The following SIRPG variants were observed in gnomAD, a reference collection of about 807,000 sequenced individuals.
The protein encoded by SIRPG is signal-regulatory protein gamma.
Under a neutral mutation model 35.7 loss-of-function variants are expected in SIRPG, and 38 were observed. That is an observed-to-expected ratio of 1.06 (90% CI 0.82 to 1.40). The LOEUF (loss-of-function observed/expected upper bound fraction) is 1.40. Among genes scored for constraint, SIRPG ranks in the 40% most tolerant of loss-of-function variants. The probability of loss-of-function intolerance (pLI) is 0.00; values close to 1 mark genes in which losing one functional copy is unlikely to be tolerated. For missense variants in SIRPG, 519 were observed against 483.0 expected (o/e 1.07, Z -0.70); for synonymous variants, 215 against 190.4 (o/e 1.13, Z -1.06).
chr20:1,639,254 C>T (rs1313872468), intron 2 of SIRPG, among the ~76,000 whole-genome samples: 1 of 152,114 alleles, frequency 6.6e-6, no homozygotes, highest in Admixed American at 6.5e-5. Flanking sequence ...AAAAACGCTC[C>T]TATTTTTCCA....
chr20:1,657,622 T>C lies in SIRPG; in HGVS notation c.73+20A>G, dbSNP rs549399481. 2 of 1,613,436 alleles carry C rather than the reference T, an allele frequency of 1.2e-6. No homozygotes were observed. The highest frequency in any genetic ancestry group is 2.2e-5 in the South Asian group (2 of 91,070). Reference sequence around the variant, plus strand: ...TCCAGGAAGCAGGGAGAAAGGGTTCTAGCCCAATGCAATGCTCACCTGTAA... The same window carrying C: ...TCCAGGAAGCAGGGAGAAAGGGTTCCAGCCCAATGCAATGCTCACCTGTAA... On this transcript the variant is annotated intron_variant, in intron 1 of 5. Coordinates refer to ENST00000303415, the MANE Select transcript of SIRPG (RefSeq NM_018556.4).
intron 2 of SIRPG, among the ~76,000 whole-genome samples, chr20:1,637,013 C>T (rs1356946381): frequency 6.6e-6 from 1 of 152,134 alleles, no homozygotes; most frequent in African/African-American, 2.4e-5. Context: ...CAGCATTTTC[C>T]CTTCCCAGGG....
chr20:1,654,105 G>A (rs574639019), intron 1 of SIRPG, among the ~76,000 whole-genome samples: 1 of 152,156 alleles, frequency 6.6e-6, no homozygotes, highest in East Asian at 1.9e-4. Context: ...CAGGCATGGT[G>A]GTGCACACCT....
chr20:1,644,527 C>T (rs546014129), intron 2 of SIRPG, among the ~76,000 whole-genome samples: 1 of 152,184 alleles, frequency 6.6e-6, no homozygotes, highest in African/African-American at 2.4e-5. Flanking sequence ...TGCCGCCTAT[C>T]TCCCAAGGAG....
At chr20:1,667,648 T>C in the SIRPG span, among the ~76,000 whole-genome samples, 1 of 152,112 alleles carries the variant, frequency 6.6e-6, no homozygotes, top group Non-Finnish European at 1.5e-5. Flanking sequence ...TGATTATTCA[T>C]AAGGAGGTGG....
At chr20:1,633,461 T>C (rs569144536) in intron 4 of SIRPG, 1 of 152,344 alleles carries the variant, frequency 6.6e-6, no homozygotes, top group East Asian at 1.9e-4. Context: ...AAATTTGAAA[T>C]TGTATTAACT....
intron 2 of SIRPG, chr20:1,646,526 C>G (rs560852606): frequency 2.0e-5 from 3 of 152,276 alleles, no homozygotes; most frequent in Non-Finnish European, 4.4e-5. Flanking sequence ...CTAAACGCTT[C>G]ATGTGTGCTG....
chr20:1,630,176 C>A, intron 5 of SIRPG, 46 bp downstream of exon 5: 3 of 1,438,924 alleles, frequency 2.1e-6, no homozygotes, highest in Non-Finnish European at 9.6e-7. Flanking sequence ...GTTGGCCTTG[C>A]CCTTCTGAGA....
At chr20:1,639,888 C>T (rs571618250) in intron 2 of SIRPG, among the ~76,000 whole-genome samples, 1 of 152,248 alleles carries the variant, frequency 6.6e-6, no homozygotes, top group South Asian at 2.1e-4. Flanking sequence ...ATCCTTTCCC[C>T]ATTGCTTGTT....
intron 2 of SIRPG, among the ~76,000 whole-genome samples, chr20:1,641,408 T>C (rs1387258621): frequency 1.3e-5 from 2 of 152,218 alleles, no homozygotes; most frequent in Non-Finnish European, 2.9e-5. Context: ...GAAGTGTTCA[T>C]AGTATTTTCT....
chr20:1,683,332 G>C, the SIRPG span, among the ~76,000 whole-genome samples: 4,718 of 152,256 alleles, frequency 0.031, 245 homozygotes, highest in African/African-American at 0.11. Context: ...ATTGAAAACA[G>C]TATGGAGTTT....
chr20:1,657,935 G>C (rs1239392323), upstream of SIRPG, among the ~76,000 whole-genome samples: 1 of 152,176 alleles, frequency 6.6e-6, no homozygotes, highest in Non-Finnish European at 1.5e-5. Context: ...AGGATAATCA[G>C]ACAGGGTTAG....
the SIRPG span, among the ~76,000 whole-genome samples, chr20:1,669,441 C>T: frequency 6.6e-6 from 1 of 152,210 alleles, no homozygotes; most frequent in Non-Finnish European, 1.5e-5. Context: ...ACAGAAGAGG[C>T]TCATGCTGTG....
intron 2 of SIRPG, among the ~76,000 whole-genome samples, chr20:1,641,466 CT>C (rs528488344): frequency 1.3e-5 from 2 of 151,968 alleles, no homozygotes; most frequent in Admixed American, 6.6e-5. Context: ...TCCCCTTTAT[CT>C]TTTTTTTATT....
intron 1 of SIRPG, 91 bp downstream of exon 1, chr20:1,657,551 G>GCTTC (rs1240027270): frequency 3.3e-5 from 42 of 1,266,452 alleles, no homozygotes; most frequent in Admixed American, 8.5e-5. Context: ...CCTTGGCAGT[G>GCTTC]CTTGTGCTTA....
upstream of SIRPG, among the ~76,000 whole-genome samples, chr20:1,661,380 C>T (rs1250923085): frequency 3.3e-5 from 5 of 152,296 alleles, no homozygotes; most frequent in Admixed American, 6.5e-5. Flanking sequence ...AAAGCTGTTC[C>T]AAATCTTGTC....
the SIRPG span, among the ~76,000 whole-genome samples, chr20:1,673,773 C>A: frequency 6.6e-6 from 1 of 152,172 alleles, no homozygotes; most frequent in Non-Finnish European, 1.5e-5. Flanking sequence ...AAGCTGGAAG[C>A]ATTTTGGAAG....
At chr20:1,634,779 C>T (rs1356719095) in intron 4 of SIRPG, among the ~76,000 whole-genome samples, 1 of 152,008 alleles carries the variant, frequency 6.6e-6, no homozygotes, top group Non-Finnish European at 1.5e-5. Flanking sequence ...CGCGGTGGCT[C>T]ACGCCTGTAA....
At chr20:1,650,014 A>ATATATATATATATATATATATATATC (rs2091929751) in intron 1 of SIRPG, among the ~76,000 whole-genome samples, 1 of 143,628 alleles carries the variant, frequency 7.0e-6, no homozygotes, top group Non-Finnish European at 1.5e-5. Flanking sequence ...GTATATATAT[A>ATATATATATATATATATATATATATC]TATATATATA....
Sources: allele counts gnomAD v4.1 joint callset (sites outside exome capture counted in the v4.1 genomes callset), GRCh38; gene constraint gnomAD v4.1.1; transcripts MANE v1.5; gene names NCBI Gene and HGNC (gene_info 2026-07-23, HGNC 2026-07-21).